RBFOX1: variants seen among roughly 807,000 people sequenced by gnomAD.
The protein encoded by RBFOX1 is RNA binding protein fox-1 homolog 1.
A neutral mutation model predicts 57.7 loss-of-function variants in RBFOX1; 8 were observed. The ratio of observed to expected loss-of-function variants is 0.14; its 90% CI spans 0.08 to 0.25. The LOEUF is 0.25. Ranked by LOEUF, RBFOX1 falls within the 10% of genes least tolerant of loss-of-function variation. The pLI, the probability that RBFOX1 is intolerant of heterozygous loss-of-function variation, is 1.00. For synonymous variants in RBFOX1, 326 were observed against 222.4 expected (o/e 1.47, Z -4.15); for missense variants, 611 against 548.5 (o/e 1.11, Z -1.14).
chr16:5,744,244 C>G (rs1460755605), intron 3 of RBFOX1, among the ~76,000 whole-genome samples: 1 of 152,178 alleles, frequency 6.6e-6, no homozygotes, highest in Non-Finnish European at 1.5e-5. Flanking sequence ...TTCTCTGTTT[C>G]TTGTAGCTGC....
At chr16:6,399,853 C>G (rs1282094572) in intron 2 of RBFOX1, among the ~76,000 whole-genome samples, 1 of 152,216 alleles carries the variant, frequency 6.6e-6, no homozygotes, top group Admixed American at 6.5e-5. Context: ...GAAGACACCT[C>G]TTCACAGGGC....
intron 3 of RBFOX1, among the ~76,000 whole-genome samples, chr16:5,622,118 C>T (rs2048217323): frequency 6.6e-6 from 1 of 152,198 alleles, no homozygotes; most frequent in Non-Finnish European, 1.5e-5. Flanking sequence ...ACATGAATCA[C>T]ATTTTCCCCA....
intron 2 of RBFOX1, among the ~76,000 whole-genome samples, chr16:6,336,885 C>G (rs1414693197): frequency 6.6e-6 from 1 of 152,152 alleles, no homozygotes; most frequent in Non-Finnish European, 1.5e-5. Flanking sequence ...TAAAAAGAGC[C>G]TAGTCAGAGT....
intron 2 of RBFOX1, among the ~76,000 whole-genome samples, chr16:6,495,455 C>A (rs1206869189): frequency 6.6e-6 from 1 of 151,750 alleles, no homozygotes; most frequent in Non-Finnish European, 1.5e-5. Context: ...AGATGATGTC[C>A]CCACTTTCGT....
intron 4 of RBFOX1, among the ~76,000 whole-genome samples, chr16:5,918,333 T>C (rs1442633210): frequency 1.3e-5 from 2 of 152,168 alleles, no homozygotes; most frequent in Non-Finnish European, 2.9e-5. Context: ...TTGGCCAGGC[T>C]GGTCTCGAAC....
chr16:5,992,066 A>G (rs182948141), intron 4 of RBFOX1, among the ~76,000 whole-genome samples: 1 of 152,340 alleles, frequency 6.6e-6, no homozygotes, highest in East Asian at 1.9e-4. Flanking sequence ...CTTTAATGTA[A>G]GGAGAGATGA....
At chr16:6,687,546 C>G (rs990156863) in intron 3 of RBFOX1, among the ~76,000 whole-genome samples, 4 of 152,128 alleles carry the variant, frequency 2.6e-5, no homozygotes, top group Non-Finnish European at 4.4e-5. Context: ...GTCCTGATAT[C>G]TTGGTGTTTT....
intron 4 of RBFOX1, among the ~76,000 whole-genome samples, chr16:7,275,608 G>C (rs958310841): frequency 6.6e-6 from 1 of 151,634 alleles, no homozygotes; most frequent in African/African-American, 2.4e-5. Flanking sequence ...TAATTTAGAT[G>C]GTAGGTTGGA....
chr16:6,472,812 A>G (rs528207029), intron 2 of RBFOX1, among the ~76,000 whole-genome samples: 58 of 151,626 alleles, frequency 3.8e-4, no homozygotes, highest in African/African-American at 1.4e-3. Context: ...TTTAGTAGAG[A>G]TGGGGTTTTA....
intron 3 of RBFOX1, among the ~76,000 whole-genome samples, chr16:5,750,666 C>A (rs900436623): frequency 2.6e-5 from 4 of 152,216 alleles, no homozygotes; most frequent in African/African-American, 4.8e-5. Context: ...CCCTCTGAGC[C>A]AGGCATGGGA....
At chr16:5,330,443 C>T (rs1486662590) in intron 1 of RBFOX1, among the ~76,000 whole-genome samples, 1 of 152,110 alleles carries the variant, frequency 6.6e-6, no homozygotes, top group African/African-American at 2.4e-5. Context: ...CAGTCTGTCA[C>T]CCAGGCTGGA....
chr16:7,609,207 G>A (rs1323658601), intron 10 of RBFOX1, among the ~76,000 whole-genome samples: 1 of 152,176 alleles, frequency 6.6e-6, no homozygotes, highest in Non-Finnish European at 1.5e-5. Flanking sequence ...GCCTAAAATA[G>A]TCCAGTGAAG....
intron 1 of RBFOX1, among the ~76,000 whole-genome samples, chr16:6,130,414 G>T (rs185956310): frequency 4.7e-4 from 72 of 152,168 alleles, no homozygotes; most frequent in African/African-American, 1.7e-3. Flanking sequence ...AAAAATAAAT[G>T]TATATGTAAT....
intron 2 of RBFOX1, among the ~76,000 whole-genome samples, chr16:5,585,182 C>T (rs529865631): frequency 7.9e-5 from 12 of 152,302 alleles, no homozygotes; most frequent in Non-Finnish European, 1.3e-4. Context: ...GCCCTCCCCC[C>T]GTCCCTGGAA....
In RBFOX1 at chr16:5,506,764, G is replaced by A. The variant is rs370296020; in HGVS notation, c.258+39510G>A. On this transcript the variant is annotated intron_variant, in intron 2 of 2. Coordinates refer to the RBFOX1 transcript ENST00000585867. ...CCCCTTCTTTCTTGAAATGTTGAAA[G>A]TTTTACCAGTCTGCTCTGTTGGGTA... is the stretch of plus-strand genomic sequence containing the variant. Among the ~76,000 whole-genome samples the A allele has an allele frequency of 5.9e-5, 9 of 152,114 alleles. No homozygotes were observed. In the East Asian group the frequency reaches 1.4e-3, roughly 23 times the overall value.
At chr16:5,473,099 A>G (rs1335064764) in intron 2 of RBFOX1, among the ~76,000 whole-genome samples, 2 of 152,216 alleles carry the variant, frequency 1.3e-5, no homozygotes, top group African/African-American at 4.8e-5. Flanking sequence ...GCCCTGGCTC[A>G]AACATGCCCC....
chr16:7,665,569 A>T (rs2145731284), intron 13 of RBFOX1, among the ~76,000 whole-genome samples: 1 of 152,292 alleles, frequency 6.6e-6, no homozygotes, highest in South Asian at 2.1e-4. Context: ...GCTAAATAGT[A>T]ACACTTTAAG....
intron 2 of RBFOX1, among the ~76,000 whole-genome samples, chr16:6,640,410 A>T (rs1391909317): frequency 2.0e-5 from 3 of 152,092 alleles, no homozygotes; most frequent in Non-Finnish European, 2.9e-5. Context: ...GGAGTGTGAG[A>T]CCAGCCTGGC....
In RBFOX1 at chr16:7,488,033, C is replaced by A. The variant is rs567222857; in HGVS notation, c.28-30114C>A. On this transcript the variant is annotated intron_variant, in intron 4 of 15. Transcript: ENST00000550418. ...GCCGGCCTTGTGAATGAAGGGGGCA[C>A]CTCGGCGGAAGTAATCACTGGAGGT... 2.6e-5 allele frequency among the ~76,000 whole-genome samples: 4 copies of A among 152,204 alleles called. No homozygotes were observed. The South Asian group carries it at 8.3e-4, about 32-fold the overall frequency.
Sources: allele counts gnomAD v4.1 joint callset (sites outside exome capture counted in the v4.1 genomes callset), GRCh38; gene constraint gnomAD v4.1.1; transcripts MANE v1.5; gene names NCBI Gene and HGNC (gene_info 2026-07-23, HGNC 2026-07-21).